The following COL24A1 variants were observed in gnomAD, a reference collection of about 807,000 sequenced individuals.
COL24A1 encodes collagen alpha-1(XXIV) chain.
A neutral mutation model predicts 253.9 loss-of-function variants in COL24A1; 224 were observed. The observed-to-expected ratio is 0.88, with a 90% CI of 0.79 to 0.99. The LOEUF (loss-of-function observed/expected upper bound fraction) is 0.99. COL24A1 is among the 50% of genes least tolerant of loss of function. The pLI is 0.00. For missense variants in COL24A1, 2,131 were observed against 2,068.5 expected, an observed-to-expected ratio of 1.03 and a Z score of -0.59; for synonymous variants, 685 against 673.7, an observed-to-expected ratio of 1.02 and a Z score of -0.26.
intron 52 of COL24A1, among the ~76,000 whole-genome samples, chr1:85,777,059 C>T (rs1468493758): frequency 6.6e-6 from 1 of 151,918 alleles, no homozygotes; most frequent in Non-Finnish European, 1.5e-5. Context: ...AAGCGATTCT[C>T]CTGCCCCAGC....
intron 43 of COL24A1, among the ~76,000 whole-genome samples, chr1:85,827,839 T>C (rs1347556391): frequency 6.6e-6 from 1 of 152,114 alleles, no homozygotes; most frequent in Non-Finnish European, 1.5e-5. Flanking sequence ...TTGCTAGTGG[T>C]CTATCAATTT....
chr1:85,890,233 C>T (rs939272330), intron 31 of COL24A1, among the ~76,000 whole-genome samples: 1 of 152,056 alleles, frequency 6.6e-6, no homozygotes, highest in East Asian at 1.9e-4. Context: ...GTATGAGTCC[C>T]TTTTTTCAAT....
chr1:85,734,945 T>C lies in COL24A1; in HGVS notation c.4802A>G (p.Lys1601Arg). 1 of 1,614,192 alleles carries C rather than the reference T, an allele frequency of 6.2e-7. No homozygotes were observed. The highest frequency in any genetic ancestry group is 8.5e-7 in the Non-Finnish European group (1 of 1,180,012). ...SVTKLEFGVG[K>R]VQMNFLHLLS... Reference sequence around the variant, plus strand: ...TAAATGAAGGAAGTTCATCTGGACTTTCCCAACTCCAAACTCCAACTAATG... The same window carrying C: ...TAAATGAAGGAAGTTCATCTGGACTCTCCCAACTCCAAACTCCAACTAATG... The change falls in exon 59 of 60, where the codon AAA becomes AGA. Residue 1601 changes from lysine (K) to arginine (R), a missense_variant. Physicochemically the swap from Lys to Arg is conservative, Grantham distance 26. Coordinates refer to ENST00000370571, the MANE Select transcript of COL24A1 (RefSeq NM_152890.7).
At chr1:86,087,330 T>C (rs1053698600) in intron 7 of COL24A1, among the ~76,000 whole-genome samples, 2 of 152,184 alleles carry the variant, frequency 1.3e-5, no homozygotes, top group African/African-American at 4.8e-5. Flanking sequence ...TATTTTAAAA[T>C]ACTGATGGGC....
chr1:85,950,477 G>C (rs528377760), intron 24 of COL24A1, among the ~76,000 whole-genome samples: 61 of 152,234 alleles, frequency 4.0e-4, no homozygotes, highest in Non-Finnish European at 7.4e-4. Context: ...AAGAGGAGGG[G>C]GTGAATTGAA....
chr1:85,943,956 G>T (rs1306669407), intron 24 of COL24A1, among the ~76,000 whole-genome samples: 1 of 152,196 alleles, frequency 6.6e-6, no homozygotes, highest in Admixed American at 6.5e-5. Flanking sequence ...CCATGAAAGT[G>T]CATTGTCACA....
Position 86,156,570 on chromosome 1 carries a change from G to C in COL24A1, c.-174C>G. On this transcript the variant is annotated 5_prime_UTR_variant, in exon 1 of 60. Transcript: ENST00000370571. ...GAGGGGGTGAAGTCGGGAGGAGGTA[G>C]GAAATAGCACCCGAAGGGGAGGACA... The C allele has an allele frequency of 2.1e-6, 1 of 483,370 alleles. No homozygotes were observed. The highest frequency in any genetic ancestry group is 3.9e-5 in the South Asian group (1 of 25,368). The allele number at this position is 483,370 out of a possible 1,614,324, so 29.9% of individuals were successfully genotyped here.
chr1:85,816,994 A>G, intron 46 of COL24A1, 99 bp from the exon 47 acceptor site: 1 of 909,768 alleles, frequency 1.1e-6, no homozygotes, highest in South Asian at 1.7e-5. Context: ...TTACATTTTT[A>G]TATTTTGTTC....
intron 12 of COL24A1, among the ~76,000 whole-genome samples, chr1:86,036,246 C>A (rs1295777099): frequency 1.3e-5 from 2 of 152,060 alleles, no homozygotes; most frequent in African/African-American, 4.8e-5. Flanking sequence ...CCTCAGCCTC[C>A]CGTAGTGTTG....
intron 43 of COL24A1, among the ~76,000 whole-genome samples, chr1:85,832,458 T>C (rs1675419238): frequency 6.6e-6 from 1 of 151,646 alleles, no homozygotes; most frequent in Non-Finnish European, 1.5e-5. Flanking sequence ...TCCAATTCTG[T>C]GAAGAAAGTC....
At chr1:85,877,232 T>C (rs1218393334) in intron 32 of COL24A1, 57 bp from the exon 33 acceptor site, 3 of 1,212,842 alleles carry the variant, frequency 2.5e-6, no homozygotes, top group East Asian at 2.6e-5. Flanking sequence ...TGTCAGTAAA[T>C]GTATTCATCT....
At chr1:85,820,457 T>C (rs6576791) in intron 45 of COL24A1, among the ~76,000 whole-genome samples, 1 of 151,976 alleles carries the variant, frequency 6.6e-6, no homozygotes, top group African/African-American at 2.4e-5. Flanking sequence ...TAGCTGCACA[T>C]GCCAGCATAG....
chr1:85,923,006 C>G (rs912724471), intron 24 of COL24A1, among the ~76,000 whole-genome samples: 13 of 150,806 alleles, frequency 8.6e-5, no homozygotes, highest in African/African-American at 2.9e-4. Context: ...AAAAAAAAAG[C>G]AGGGGTTGTA....
chr1:85,848,559 C>G (rs1164210092), intron 38 of COL24A1, among the ~76,000 whole-genome samples: 1 of 152,182 alleles, frequency 6.6e-6, no homozygotes, highest in Non-Finnish European at 1.5e-5. Flanking sequence ...ATCCGCCCAC[C>G]TCGGCCTCCC....
chr1:85,781,346 T>A, intron 51 of COL24A1, 73 bp from the exon 52 acceptor site: 2 of 1,044,288 alleles, frequency 1.9e-6, no homozygotes, highest in Non-Finnish European at 1.4e-6. Context: ...GAATCTCTTG[T>A]ACAATGGTAA....
chr1:85,786,561 T>C, intron 47 of COL24A1, 100 bp from the exon 48 acceptor site: 1 of 979,980 alleles, frequency 1.0e-6, no homozygotes. Flanking sequence ...GAAAGGCGTC[T>C]GTTAACATAC....
At chr1:86,026,803 A>G (rs1393092670) in intron 14 of COL24A1, among the ~76,000 whole-genome samples, 1 of 152,202 alleles carries the variant, frequency 6.6e-6, no homozygotes, top group East Asian at 1.9e-4. Context: ...AGAAGAAGAC[A>G]GGAAGATGTG....
intron 14 of COL24A1, among the ~76,000 whole-genome samples, chr1:86,025,524 G>T (rs1422064633): frequency 6.6e-6 from 1 of 152,112 alleles, no homozygotes. Context: ...ACTAGTCTAA[G>T]AAAGCATATA....
At chr1:85,794,252 G>T (rs1027267663) in intron 47 of COL24A1, among the ~76,000 whole-genome samples, 3 of 152,060 alleles carry the variant, frequency 2.0e-5, no homozygotes, top group African/African-American at 7.2e-5. Flanking sequence ...TTCTAAAATA[G>T]AACCATTTTG....
Sources: allele counts gnomAD v4.1 joint callset (sites outside exome capture counted in the v4.1 genomes callset), GRCh38; gene constraint gnomAD v4.1.1; transcripts MANE v1.5; gene names NCBI Gene and HGNC (gene_info 2026-07-23, HGNC 2026-07-21).